The following AHRR variants were observed in gnomAD, a reference collection of about 807,000 sequenced individuals.
The protein encoded by AHRR is ahR repressor.
A neutral mutation model predicts 44.0 loss-of-function variants in AHRR; 28 were observed. The ratio of observed to expected loss-of-function variants is 0.64; its 90% CI spans 0.47 to 0.87. The LOEUF (loss-of-function observed/expected upper bound fraction) is 0.87, where lower values mean the gene tolerates loss of function less well. Among genes scored for constraint, AHRR ranks in the 40% least tolerant of loss-of-function variants. AHRR has a pLI of 0.00. For missense variants in AHRR, 990 were observed against 953.9 expected (o/e 1.04, Z -0.50); for synonymous variants, 434 against 407.0 (o/e 1.07, Z -0.80).
At chr5:329,309 T>A (rs1310391870) in intron 1 of AHRR, among the ~76,000 whole-genome samples, 1 of 152,188 alleles carries the variant, frequency 6.6e-6, no homozygotes, top group Middle Eastern at 3.2e-3. Context: ...AGAGATTGTC[T>A]GGCCTCTGCC....
chr5:360,265 G>T lies in AHRR; in HGVS notation c.244+6354G>T, dbSNP rs186330763. Among the ~76,000 whole-genome samples the T allele has an allele frequency of 5.3e-5, 8 of 152,370 alleles. No homozygotes were observed. In the East Asian group the frequency reaches 1.5e-3, roughly 29 times the overall value. On this transcript the variant is annotated intron_variant, in intron 3 of 10. Coordinates refer to ENST00000684583, the MANE Select transcript of AHRR (RefSeq NM_001377236.1). The stretch of plus-strand genomic sequence containing the variant: ...CACAGGGGGAAGGCAGCTGTCTGCA[G>T]GCTGGAAAGAGAGCCCTCACCAGAG...
chr5:421,300 C>G (rs1006521131), intron 5 of AHRR: 3 of 697,254 alleles, frequency 4.3e-6, no homozygotes, highest in African/African-American at 3.6e-5. Flanking sequence ...TGTTGCGCTG[C>G]AGGTGCCCCC....
rs1222132519 is a variant in AHRR, at chr5:435,919, C to G, written c.*1085C>G. The G allele has an allele frequency of 6.5e-6, 1 of 152,806 alleles. No individual in the cohort carries two copies. The highest frequency in any genetic ancestry group is 2.4e-5 in the African/African-American group (1 of 41,462). 9.5% of individuals were successfully genotyped at this position (152,806 alleles called of 1,614,324 possible). ...TCAGAAAGTGAAGGTCACCAATCCA[C>G]CAACCCGAGAACCTACAGCTGATGG... On this transcript the variant is annotated 3_prime_UTR_variant, in exon 11 of 11. Transcript: ENST00000684583.
chr5:403,530 G>A (rs1735115422), intron 4 of AHRR, among the ~76,000 whole-genome samples: 1 of 151,886 alleles, frequency 6.6e-6, no homozygotes, highest in African/African-American at 2.4e-5. Context: ...CAGCTACTCG[G>A]GAGGCTGCAG....
intron 2 of AHRR, among the ~76,000 whole-genome samples, chr5:348,400 G>T (rs1742751261): frequency 1.3e-5 from 2 of 150,528 alleles, no homozygotes; most frequent in Non-Finnish European, 2.9e-5. Flanking sequence ...CAGCTGAACT[G>T]CACGTTTAAG....
intron 5 of AHRR, among the ~76,000 whole-genome samples, chr5:416,562 G>T (rs1005419428): frequency 6.6e-6 from 1 of 152,222 alleles, no homozygotes; most frequent in Admixed American, 6.5e-5. Flanking sequence ...GTGACGCCTG[G>T]TGGGTCCCTC....
At chr5:351,192 T>C (rs1742846685) in intron 2 of AHRR, among the ~76,000 whole-genome samples, 1 of 152,234 alleles carries the variant, frequency 6.6e-6, no homozygotes, top group Non-Finnish European at 1.5e-5. Context: ...GAAAGCAGTT[T>C]GGTGGTGCCC....
intron 4 of AHRR, among the ~76,000 whole-genome samples, chr5:380,021 AG>A (rs1474290238): frequency 6.6e-6 from 1 of 152,194 alleles, no homozygotes; most frequent in Non-Finnish European, 1.5e-5. Flanking sequence ...TGTGTGAGGT[AG>A]GGGTCAAGAT....
chr5:382,549 T>C (rs1012054048), intron 4 of AHRR, among the ~76,000 whole-genome samples: 4 of 152,264 alleles, frequency 2.6e-5, no homozygotes, highest in Non-Finnish European at 5.9e-5. Flanking sequence ...TCTTGGTCAG[T>C]TGAGTTACAG....
rs143671866 is a variant in AHRR at position 403,393 on chromosome 5, T to C, written c.352-9951T>C. Among the ~76,000 whole-genome samples, 1,272 of 152,270 alleles carry C rather than the reference T, an allele frequency of 8.4e-3. 22 individuals are homozygous for C. Among genetic ancestry groups the C allele is most frequent in the African/African-American group, 0.029 (1,199 of 41,530 alleles). On this transcript the variant is annotated intron_variant, in intron 4 of 10. Coordinates refer to ENST00000684583, the MANE Select transcript of AHRR (RefSeq NM_001377236.1). ...GGCTCACCCTGTAATCCCAGCACTT[T>C]GGGAGGCCAAGGCGGGTGGATCACC...
chr5:374,224 C>A (rs975728601), intron 3 of AHRR, among the ~76,000 whole-genome samples: 1 of 152,148 alleles, frequency 6.6e-6, no homozygotes, highest in African/African-American at 2.4e-5. Flanking sequence ...GGGGGTCTCA[C>A]GGGGCGACCC....
chr5:344,423 A>ATGTGTGTG lies in AHRR; in HGVS notation c.62+465_62+466insTGTGTGTG, dbSNP rs1286361388. Among the ~76,000 whole-genome samples, 5 of 18,404 alleles carry ATGTGTGTG rather than the reference A, an allele frequency of 2.7e-4. 1 individual carries two copies. The allele number at this position is 18,404 out of a possible 152,430, so 12.1% of individuals were successfully genotyped here. A position where few individuals can be genotyped will look rare whatever the true frequency, so the allele number is the denominator to read the frequency against. On this transcript the variant is annotated intron_variant, in intron 2 of 10. Coordinates refer to ENST00000684583, the MANE Select transcript of AHRR (RefSeq NM_001377236.1). ...GGAGGGCTGCGGGGGTGTGTGCGGT[A>ATGTGTGTG]TGTGTGAGGCTGTGGGGGGCTGTGT... is the stretch of plus-strand genomic sequence containing the variant.
At chr5:346,150 G>T (rs1742670115) in intron 2 of AHRR, among the ~76,000 whole-genome samples, 1 of 152,182 alleles carries the variant, frequency 6.6e-6, no homozygotes, top group South Asian at 2.1e-4. Flanking sequence ...CTCTAGCGGG[G>T]GACGGCAGTA....
At chr5:403,008 G>A (rs2126496631) in intron 4 of AHRR, among the ~76,000 whole-genome samples, 1 of 152,300 alleles carries the variant, frequency 6.6e-6, no homozygotes, top group East Asian at 1.9e-4. Context: ...GAAACAGAGA[G>A]TCAGTGGTTA....
At chr5:340,038 T>A (rs1742275790) in intron 1 of AHRR, among the ~76,000 whole-genome samples, 1 of 152,236 alleles carries the variant, frequency 6.6e-6, no homozygotes, top group African/African-American at 2.4e-5. Context: ...TGGTGTGGCA[T>A]CAGAGTAATG....
chr5:361,146 G>A (rs1170281396), intron 3 of AHRR, among the ~76,000 whole-genome samples: 3 of 152,210 alleles, frequency 2.0e-5, no homozygotes. Flanking sequence ...CTACTTGGGA[G>A]GCTGAGGCAG....
intron 4 of AHRR, among the ~76,000 whole-genome samples, chr5:396,429 G>A (rs923662849): frequency 1.3e-5 from 2 of 152,164 alleles, no homozygotes; most frequent in Non-Finnish European, 2.9e-5. Context: ...GCCTCACCCT[G>A]GCATACGCCG....
At chr5:355,982 A>G (rs530856800) in intron 3 of AHRR, among the ~76,000 whole-genome samples, 1 of 152,374 alleles carries the variant, frequency 6.6e-6, no homozygotes, top group East Asian at 1.9e-4. Flanking sequence ...GTCAAGCTAT[A>G]AAAGTTAGAT....
At chr5:399,755 A>G (rs951610564) in intron 4 of AHRR, among the ~76,000 whole-genome samples, 6 of 152,194 alleles carry the variant, frequency 3.9e-5, no homozygotes, top group Non-Finnish European at 7.3e-5. Flanking sequence ...GGGCGTCAGG[A>G]GGGACTGCCT....
Sources: allele counts gnomAD v4.1 joint callset (sites outside exome capture counted in the v4.1 genomes callset), GRCh38; gene constraint gnomAD v4.1.1; transcripts MANE v1.5; gene names NCBI Gene and HGNC (gene_info 2026-07-23, HGNC 2026-07-21).